Variants in NLRP3 observed in about 807,000 individuals in gnomAD.
NLRP3 encodes NLR family pyrin domain containing 3, also known as NACHT, LRR and PYD domains-containing protein 3.
In NLRP3, 48 loss-of-function variants were observed where a neutral mutation model predicts 91.3. The ratio of observed to expected loss-of-function variants is 0.53; its 90% confidence interval spans 0.42 to 0.67. NLRP3 has a LOEUF of 0.67. Ranked by LOEUF, NLRP3 falls within the 30% of genes least tolerant of loss-of-function variation. The pLI is 0.00. For missense variants in NLRP3, 982 were observed against 1,276.9 expected (o/e 0.77, Z 3.52); for synonymous variants, 561 against 507.9 (o/e 1.10, Z -1.41).
At chr1:247,430,868 G>T (rs59415151) in intron 5 of NLRP3, among the ~76,000 whole-genome samples, 3 of 151,744 alleles carry the variant, frequency 2.0e-5, no homozygotes, top group Non-Finnish European at 2.9e-5. Context: ...CCAGGCTCAA[G>T]CAATCCTCCC....
chr1:247,448,286 T>G, intron 9 of NLRP3, 119 bp from the exon 10 acceptor site: 1 of 521,614 alleles, frequency 1.9e-6, no homozygotes, highest in Non-Finnish European at 3.5e-6. Flanking sequence ...TTTTTTTTTT[T>G]TTTTACATTT....
At position 247,448,606 on chromosome 1, in the gene NLRP3, C is replaced by A; in HGVS notation, c.*102C>A. On this transcript the variant is annotated 3_prime_UTR_variant, in exon 10 of 10. Coordinates refer to ENST00000336119, the MANE Select transcript of NLRP3 (RefSeq NM_001243133.2). ...ATCCATCCAGGCCAAGACCACAGCT[C>A]TGTGATCCTTCCGGTGGAGTGTCGG... 1.3e-6 allele frequency: 1 copy of A among 780,096 alleles called. No homozygotes were observed. The allele number at this position is 780,096 out of a possible 1,614,324, so 48.3% of individuals were successfully genotyped here. A position where few individuals can be genotyped will look rare whatever the true frequency, so the allele number is the denominator to read the frequency against.
chr1:247,416,382 G>A (rs974108171), intron 1 of NLRP3, among the ~76,000 whole-genome samples, 189 bp downstream of exon 1: 4 of 152,272 alleles, frequency 2.6e-5, no homozygotes, highest in South Asian at 4.1e-4. Flanking sequence ...GTGCAAGTTC[G>A]TGTGTGTGTA....
Position 247,425,267 on chromosome 1 carries a change from G to A in NLRP3, c.1818G>A (p.Leu606=), listed in dbSNP as rs200588919. The change falls in exon 4 of 10, where the codon CTG becomes CTA. Residue 606 remains leucine, a synonymous_variant. Coordinates refer to ENST00000336119, the MANE Select transcript of NLRP3 (RefSeq NM_001243133.2). The surrounding 1 kb of genome is among the most constrained non-coding windows in gnomAD (Gnocchi z 4.1). ...CKISQQIRLE[L]LKWIEVKAKA... is the part of the protein sequence containing the mutation. ...TCTCTCAGCAAATCAGGCTGGAGCTGCTGAAATGGATTGAAGTGAAAGCCA... is the reference window on the plus strand; with the variant it reads ...TCTCTCAGCAAATCAGGCTGGAGCTACTGAAATGGATTGAAGTGAAAGCCA... 3.7e-6 allele frequency: 6 copies of A among 1,614,224 alleles called. No homozygotes were observed. The South Asian group carries it at 6.6e-5, about 18-fold the overall frequency.
At chr1:247,435,049 CGA>C (rs1258115448) in intron 6 of NLRP3, among the ~76,000 whole-genome samples, 3 of 152,000 alleles carry the variant, frequency 2.0e-5, no homozygotes, top group Admixed American at 1.3e-4. Context: ...GTCGGGAGTT[CGA>C]GACTAGCCTG....
chr1:247,431,198 A>C (rs1260267707), intron 5 of NLRP3, among the ~76,000 whole-genome samples: 2 of 151,906 alleles, frequency 1.3e-5, no homozygotes, highest in East Asian at 3.9e-4. Context: ...TAATAATAAT[A>C]ATAATAATAA....
intron 4 of NLRP3, among the ~76,000 whole-genome samples, chr1:247,426,796 AC>A (rs1436923230): frequency 6.6e-6 from 1 of 152,188 alleles, no homozygotes; most frequent in East Asian, 1.9e-4. Flanking sequence ...GAACCTGTTC[AC>A]CAGCGGGGCA....
At chr1:247,423,752 G>A (rs1662641270) in intron 3 of NLRP3, 95 bp from the exon 4 acceptor site, 3 of 1,108,052 alleles carry the variant, frequency 2.7e-6, no homozygotes, top group South Asian at 1.3e-5. Flanking sequence ...TCTCCATTCC[G>A]GTTACCACTC....
intron 2 of NLRP3, among the ~76,000 whole-genome samples, chr1:247,422,892 C>T (rs889152420): frequency 6.6e-6 from 1 of 152,236 alleles, no homozygotes; most frequent in African/African-American, 2.4e-5. Flanking sequence ...CACAATCAGG[C>T]TGCCAGGGGC....
chr1:247,427,360 CA>C (rs1333680414), intron 4 of NLRP3, among the ~76,000 whole-genome samples: 2 of 152,156 alleles, frequency 1.3e-5, no homozygotes, highest in Non-Finnish European at 2.9e-5. Context: ...AAGAGTAAGA[CA>C]GAGAGAAAAG....
intron 7 of NLRP3, among the ~76,000 whole-genome samples, chr1:247,440,416 A>C (rs1213004617): frequency 6.6e-6 from 1 of 152,044 alleles, no homozygotes; most frequent in Non-Finnish European, 1.5e-5. Context: ...TCATCACTAC[A>C]CCAGAGGGAA....
At chr1:247,446,815 T>C (rs1479445863) in intron 9 of NLRP3, among the ~76,000 whole-genome samples, 1 of 152,252 alleles carries the variant, frequency 6.6e-6, no homozygotes, top group Non-Finnish European at 1.5e-5. Context: ...TCCATATTAA[T>C]GATCTCAAGG....
intron 5 of NLRP3, among the ~76,000 whole-genome samples, chr1:247,430,606 A>AAGTTTT (rs972464220): frequency 2.0e-5 from 3 of 151,892 alleles, no homozygotes; most frequent in African/African-American, 7.3e-5. Flanking sequence ...CCAGCTGGGG[A>AAGTTTT]AGTTTTGTGT....
At chr1:247,445,317 C>T (rs1227440579) in intron 9 of NLRP3, among the ~76,000 whole-genome samples, 2 of 152,134 alleles carry the variant, frequency 1.3e-5, no homozygotes, top group South Asian at 2.1e-4. Flanking sequence ...TCTCCTGCCT[C>T]GGCCTCCCAA....
chr1:247,444,255 T>A, intron 8 of NLRP3, 113 bp downstream of exon 8: 1 of 1,128,468 alleles, frequency 8.9e-7, no homozygotes, highest in Non-Finnish European at 1.3e-6. Flanking sequence ...GGTGTCTTCT[T>A]AGTGTTTGCC....
At chr1:247,430,676 G>A (rs72771996) in intron 5 of NLRP3, among the ~76,000 whole-genome samples, 13,160 of 152,098 alleles carry the variant, frequency 0.087, 771 homozygotes, top group Admixed American at 0.16. Flanking sequence ...CATGATGCTC[G>A]ATATATTCCA....
chr1:247,440,977 T>C (rs1664169211), intron 7 of NLRP3, among the ~76,000 whole-genome samples: 1 of 152,192 alleles, frequency 6.6e-6, no homozygotes, highest in Admixed American at 6.5e-5. Context: ...ATCTTGAGGT[T>C]GTGATCATTC....
chr1:247,425,578 C>T lies in NLRP3; in HGVS notation c.2129C>T (p.Ser710Phe), dbSNP rs180177454. 1 of 1,607,788 alleles carries T rather than the reference C, an allele frequency of 6.2e-7. No individual in the cohort carries two copies. The highest frequency in any genetic ancestry group is 1.1e-5 in the South Asian group (1 of 91,058). The change falls in exon 4 of 10, where the codon TCT becomes TTT. Residue 710 changes from serine (S) to phenylalanine (F), a missense_variant. Around this residue, in one of 5 missense-constraint regions of NLRP3, gnomAD observed 373 missense variants for 431.5 expected, o/e 0.86. Transcript: ENST00000336119. This position sits in a 1 kb window ranked among gnomAD's most constrained non-coding sequence, Gnocchi z 4.1. ...DMVQCVLPSS[S>F]HAACSHGLVN... Reference sequence around the variant, plus strand: ...GTGCAGTGTGTCCTCCCAAGCTCCTCTCATGCTGCCTGTTCTCATGGGTAA... The same window carrying T: ...GTGCAGTGTGTCCTCCCAAGCTCCTTTCATGCTGCCTGTTCTCATGGGTAA...
chr1:247,443,167 CCCTCCCAAAGTGCTGGA>C (rs970942630), intron 7 of NLRP3, among the ~76,000 whole-genome samples: 16 of 152,084 alleles, frequency 1.1e-4, no homozygotes, highest in African/African-American at 2.9e-4. Context: ...TCGTGATCCA[CCCTCCCAAAGTGCTGGA>C]CCTCCCAAAG....
Sources: gnomAD v4.1 joint callset for allele counts (sites outside exome capture counted in the v4.1 genomes callset) on GRCh38, gnomAD v4.1.1 for gene constraint, gnomAD v4.1.1 regional missense constraint, Gnocchi (gnomAD v3.1) non-coding constraint, MANE v1.5 for transcripts, NCBI Gene and HGNC (gene_info 2026-07-23, HGNC 2026-07-21) for gene names.